Variants in CLPB observed in about 807,000 individuals in gnomAD.
CLPB encodes mitochondrial disaggregase.
A neutral mutation model predicts 78.4 loss-of-function variants in CLPB; 40 were observed. That is an observed-to-expected ratio of 0.51 (90% CI 0.40 to 0.66). The LOEUF (loss-of-function observed/expected upper bound fraction) is 0.66. Among genes scored for constraint, CLPB ranks in the 30% least tolerant of loss-of-function variants. The pLI is 0.00. For synonymous variants in CLPB, 333 were observed against 348.0 expected, an observed-to-expected ratio of 0.96 and a Z score of 0.48; for missense variants, 780 against 886.9, an observed-to-expected ratio of 0.88 and a Z score of 1.53.
At chr11:72,298,109 G>A (rs1949589268) in intron 11 of CLPB, among the ~76,000 whole-genome samples, 1 of 152,150 alleles carries the variant, frequency 6.6e-6, no homozygotes, top group Admixed American at 6.5e-5. Flanking sequence ...TTGGTGGGAG[G>A]AGTGGGGGCT....
At chr11:72,321,831 C>T (rs992363905) in intron 6 of CLPB, among the ~76,000 whole-genome samples, 6 of 152,122 alleles carry the variant, frequency 3.9e-5, no homozygotes, top group African/African-American at 1.4e-4. Flanking sequence ...CTCGGGTATG[C>T]CCCATACTCC....
At chr11:72,350,802 G>A (rs903769443) in intron 5 of CLPB, among the ~76,000 whole-genome samples, 1 of 152,196 alleles carries the variant, frequency 6.6e-6, no homozygotes. Flanking sequence ...GAGAGGCATG[G>A]AGGATTTTTT....
At chr11:72,415,422 T>G (rs1339846080) in intron 2 of CLPB, among the ~76,000 whole-genome samples, 7 of 152,086 alleles carry the variant, frequency 4.6e-5, no homozygotes, top group Non-Finnish European at 8.8e-5. Context: ...GGAAAGGAGT[T>G]TACTTGAGGG....
At chr11:72,391,666 G>T (rs1218994026) in intron 3 of CLPB, among the ~76,000 whole-genome samples, 4 of 152,174 alleles carry the variant, frequency 2.6e-5, no homozygotes, top group Non-Finnish European at 5.9e-5. Flanking sequence ...CTAGGCTGCG[G>T]GTGGTTTAGC....
rs1441918162 is a variant in CLPB at position 72,287,672 on chromosome 11, A to G, written c.*5695T>C. 1 of 152,226 alleles carries G rather than the reference A, an allele frequency of 6.6e-6. No individual in the cohort carries two copies. The highest frequency in any genetic ancestry group is 2.4e-5 in the African/African-American group (1 of 41,450). 9.4% of individuals were successfully genotyped at this position (152,226 alleles called of 1,614,324 possible). A position where few individuals can be genotyped will look rare whatever the true frequency, so the allele number is the denominator to read the frequency against. ...ATTTTTCACCATCTTATGGTGCTCA[A>G]AAAGGATAAAATTTTAACCACCTTT... On this transcript the variant is annotated 3_prime_UTR_variant, in exon 16 of 16. Transcript: ENST00000538039.
chr11:72,320,131 C>T (rs182254836), intron 6 of CLPB, among the ~76,000 whole-genome samples: 78 of 152,328 alleles, frequency 5.1e-4, no homozygotes, highest in Non-Finnish European at 7.8e-4. Context: ...GTTTTCCTTA[C>T]GTGATAGAGA....
At chr11:72,318,700 A>G (rs974278689) in intron 6 of CLPB, among the ~76,000 whole-genome samples, 4 of 152,154 alleles carry the variant, frequency 2.6e-5, no homozygotes, top group African/African-American at 9.7e-5. Context: ...AAACAATCCA[A>G]TTTTGGCTGT....
At chr11:72,368,494 C>G (rs12290276) in intron 4 of CLPB, among the ~76,000 whole-genome samples, 5,680 of 152,260 alleles carry the variant, frequency 0.037, 120 homozygotes, top group Non-Finnish European at 0.05. Context: ...GATTACATGG[C>G]TTTATTATGC....
At chr11:72,334,305 C>T (rs375833998) in intron 5 of CLPB, among the ~76,000 whole-genome samples, 14 of 152,152 alleles carry the variant, frequency 9.2e-5, no homozygotes, top group South Asian at 2.1e-4. Flanking sequence ...TAAAGCAGTA[C>T]GGCGCCTGTC....
At chr11:72,313,454 C>T (rs1565431433) in intron 7 of CLPB, among the ~76,000 whole-genome samples, 1 of 152,210 alleles carries the variant, frequency 6.6e-6, no homozygotes, top group African/African-American at 2.4e-5. Context: ...TAACATTGTG[C>T]GTGAGCTCAG....
chr11:72,294,652 A>G lies in CLPB; in HGVS notation c.1528T>C (p.Phe510Leu). The change falls in exon 13 of 16, where the codon TTC becomes CTC. Residue 510 changes from phenylalanine to leucine, a missense_variant. Around this residue, in one of 3 missense-constraint regions of CLPB, gnomAD observed 272 missense variants for 304.0 expected, o/e 0.89. Coordinates refer to ENST00000538039, the MANE Select transcript of CLPB (RefSeq NM_001258392.3). ...ISDKITISKNFKENVIRPILK... is the reference protein window; with the variant it reads ...ISDKITISKNLKENVIRPILK... ...ATAGGGCGAATCACATTCTCCTTGAAGTTCTTTGAGATGGTGATCTTGTCA... is the reference window on the plus strand; with the variant it reads ...ATAGGGCGAATCACATTCTCCTTGAGGTTCTTTGAGATGGTGATCTTGTCA... 1 of 1,614,184 alleles carries G rather than the reference A, an allele frequency of 6.2e-7. No homozygotes were observed.
chr11:72,414,262 TG>T (rs1207330926), intron 2 of CLPB, among the ~76,000 whole-genome samples: 1 of 152,094 alleles, frequency 6.6e-6, no homozygotes, highest in African/African-American at 2.4e-5. Context: ...TATTAATATA[TG>T]CATTTCCCAG....
At chr11:72,379,365 G>C (rs2135674829) in intron 4 of CLPB, among the ~76,000 whole-genome samples, 1 of 152,318 alleles carries the variant, frequency 6.6e-6, no homozygotes, top group South Asian at 2.1e-4. Flanking sequence ...TCCAGGACAA[G>C]GGGAAAGCAG....
chr11:72,321,233 C>T (rs1370828724), intron 6 of CLPB, among the ~76,000 whole-genome samples: 1 of 152,068 alleles, frequency 6.6e-6, no homozygotes, highest in African/African-American at 2.4e-5. Flanking sequence ...TAGGGATCCA[C>T]TAGAGAAGAA....
At chr11:72,362,642 A>G (rs1950861496) in intron 4 of CLPB, among the ~76,000 whole-genome samples, 1 of 152,210 alleles carries the variant, frequency 6.6e-6, no homozygotes, top group Admixed American at 6.5e-5. Flanking sequence ...TCCTTTATCT[A>G]TATGTGGAGG....
intron 5 of CLPB, among the ~76,000 whole-genome samples, chr11:72,334,759 T>A (rs1342299037): frequency 6.6e-6 from 1 of 152,206 alleles, no homozygotes; most frequent in East Asian, 1.9e-4. Context: ...TGGGGAATGC[T>A]AATCGCAGGT....
At chr11:72,298,329 G>C (rs1387068907) in intron 11 of CLPB, among the ~76,000 whole-genome samples, 1 of 152,182 alleles carries the variant, frequency 6.6e-6, no homozygotes, top group African/African-American at 2.4e-5. Context: ...CCTGGCACTT[G>C]CTGCTTGTCC....
intron 4 of CLPB, among the ~76,000 whole-genome samples, chr11:72,379,494 T>C (rs1590870174): frequency 6.6e-6 from 1 of 152,046 alleles, no homozygotes; most frequent in Admixed American, 6.5e-5. Context: ...AGACACAACA[T>C]AGACTGACTT....
At chr11:72,431,157 G>A (rs2135171003) in intron 1 of CLPB, among the ~76,000 whole-genome samples, 1 of 152,330 alleles carries the variant, frequency 6.6e-6, no homozygotes, top group Non-Finnish European at 1.5e-5. Flanking sequence ...GCAGGCTGTT[G>A]CCACCACCTT....
Sources: gnomAD v4.1 joint callset for allele counts (sites outside exome capture counted in the v4.1 genomes callset) on GRCh38, gnomAD v4.1.1 for gene constraint, gnomAD v4.1.1 regional missense constraint, MANE v1.5 for transcripts, NCBI Gene and HGNC (gene_info 2026-07-23, HGNC 2026-07-21) for gene names.